LRRC37A2: variants seen among roughly 807,000 people sequenced by gnomAD.
LRRC37A2 encodes leucine rich repeat containing 37 member A2, also known as leucine-rich repeat-containing protein 37A2.
Under a neutral mutation model 68.8 loss-of-function variants are expected in LRRC37A2, and 9 were observed. That is an observed-to-expected ratio of 0.13 (90% CI 0.08 to 0.23). The LOEUF is 0.23. Among genes scored for constraint, LRRC37A2 ranks in the 10% least tolerant of loss-of-function variants. The probability of loss-of-function intolerance (pLI) is 1.00; values close to 1 mark genes in which losing one functional copy is unlikely to be tolerated. For missense variants in LRRC37A2, 168 were observed against 950.4 expected (o/e 0.18, Z 10.82); for synonymous variants, 63 against 367.6 (o/e 0.17, Z 9.48).
the LRRC37A2 span, among the ~76,000 whole-genome samples, chr17:46,900,202 T>TATATATATATATATACAC: frequency 9.9e-6 from 1 of 101,170 alleles, no homozygotes; most frequent in East Asian, 2.8e-4. Context: ...TATATATATA[T>TATATATATATATATACAC]ACACACACAC....
chr17:46,799,629 G>C, the LRRC37A2 span, among the ~76,000 whole-genome samples: 1 of 151,824 alleles, frequency 6.6e-6, no homozygotes, highest in Admixed American at 6.6e-5. Context: ...TGTATTTTTA[G>C]TAGAGACAGA....
At chr17:47,037,959 T>A in the LRRC37A2 span, among the ~76,000 whole-genome samples, 5 of 152,122 alleles carry the variant, frequency 3.3e-5, no homozygotes, top group East Asian at 1.9e-4. Context: ...ATCCTTTATG[T>A]CTCTAAGAAC....
the LRRC37A2 span, chr17:46,874,940 C>T: frequency 9.0e-7 from 1 of 1,111,110 alleles, no homozygotes; most frequent in Non-Finnish European, 1.4e-6. Flanking sequence ...CAGGGAGACC[C>T]ACCCGGAGCT....
At chr17:46,985,960 A>G in the LRRC37A2 span, among the ~76,000 whole-genome samples, 1 of 152,190 alleles carries the variant, frequency 6.6e-6, no homozygotes, top group Non-Finnish European at 1.5e-5. Flanking sequence ...TGGTACCCTA[A>G]TCTGTAAAAT....
At chr17:46,558,892 G>T (rs2057453457), downstream of LRRC37A2, 1 of 94,300 alleles carries the variant, frequency 1.1e-5, no homozygotes, top group East Asian at 3.6e-4. Context: ...TGCCCAGGCT[G>T]GTTTTGAACT....
At chr17:46,978,344 C>A in the LRRC37A2 span, 1 of 409,106 alleles carries the variant, frequency 2.4e-6, no homozygotes, top group Non-Finnish European at 4.3e-6. Context: ...CAAATTGCAT[C>A]TCCATACCCA....
chr17:46,862,179 A>G, the LRRC37A2 span, among the ~76,000 whole-genome samples: 2,708 of 150,308 alleles, frequency 0.018, 82 homozygotes, highest in African/African-American at 0.063. Context: ...AAAAAAAAAA[A>G]GAAAAAGAAA....
the LRRC37A2 span, among the ~76,000 whole-genome samples, chr17:46,779,192 C>T: frequency 1.3e-5 from 2 of 151,990 alleles, no homozygotes; most frequent in African/African-American, 2.4e-5. Context: ...TTCCAAAGGA[C>T]GAGCCTGATG....
the LRRC37A2 span, among the ~76,000 whole-genome samples, chr17:46,502,297 G>A: frequency 6.6e-6 from 1 of 151,066 alleles, no homozygotes; most frequent in East Asian, 1.9e-4. Flanking sequence ...CTGTTATCTA[G>A]TTTAAGGGTC....
chr17:46,719,445 T>G, the LRRC37A2 span, among the ~76,000 whole-genome samples: 1 of 152,310 alleles, frequency 6.6e-6, no homozygotes, highest in East Asian at 1.9e-4. The surrounding 1 kb of genome is among the most constrained non-coding windows in gnomAD (Gnocchi z 4.3). Context: ...AAGTAGTTTA[T>G]TCTCAATTAA....
chr17:47,033,568 C>T, the LRRC37A2 span, among the ~76,000 whole-genome samples: 44 of 152,282 alleles, frequency 2.9e-4, no homozygotes, highest in Non-Finnish European at 5.7e-4. Flanking sequence ...TTTATTTTCA[C>T]GGCCTGCTTT....
At chr17:46,938,064 A>T in the LRRC37A2 span, 2 of 187,996 alleles carry the variant, frequency 1.1e-5, no homozygotes, top group Admixed American at 1.1e-4. Flanking sequence ...GGTCTTCACT[A>T]CGTGCCCAGG....
the LRRC37A2 span, chr17:46,911,458 C>G: frequency 6.6e-6 from 1 of 152,224 alleles, no homozygotes; most frequent in African/African-American, 2.4e-5. Flanking sequence ...TGTATCTGAT[C>G]CAACTGGTGC....
chr17:46,954,335 C>A, the LRRC37A2 span, among the ~76,000 whole-genome samples: 2 of 152,164 alleles, frequency 1.3e-5, no homozygotes, highest in Non-Finnish European at 2.9e-5. Flanking sequence ...TGTCAAAGAT[C>A]AGATAGTAGT....
chr17:46,756,544 T>C, the LRRC37A2 span: 3 of 152,082 alleles, frequency 2.0e-5, no homozygotes, highest in African/African-American at 7.2e-5. Context: ...TTAGAAGATG[T>C]TGTTAAAAAC....
At chr17:46,900,550 C>T in the LRRC37A2 span, among the ~76,000 whole-genome samples, 1 of 152,112 alleles carries the variant, frequency 6.6e-6, no homozygotes, top group African/African-American at 2.4e-5. Flanking sequence ...GTGCCTGGCC[C>T]TTTCTATTTC....
At chr17:46,694,963 A>G in the LRRC37A2 span, among the ~76,000 whole-genome samples, 1 of 118,260 alleles carries the variant, frequency 8.5e-6, no homozygotes, top group Non-Finnish European at 1.7e-5. Flanking sequence ...AAGTTGTAAT[A>G]TGGCCAGGCA....
chr17:46,907,477 C>T, the LRRC37A2 span, among the ~76,000 whole-genome samples: 1 of 151,758 alleles, frequency 6.6e-6, no homozygotes, highest in Non-Finnish European at 1.5e-5. Context: ...TGAGCATCTC[C>T]TCTTTCTCTC....
the LRRC37A2 span, among the ~76,000 whole-genome samples, chr17:46,867,715 G>A: frequency 7.1e-6 from 1 of 141,486 alleles, no homozygotes; most frequent in Non-Finnish European, 1.5e-5. Context: ...GTGTTGGAGA[G>A]TGTGAAAGGA....
Sources: allele counts gnomAD v4.1 joint callset (sites outside exome capture counted in the v4.1 genomes callset), GRCh38; gene constraint gnomAD v4.1.1; non-coding constraint Gnocchi (gnomAD v3.1); transcripts MANE v1.5; gene names NCBI Gene and HGNC (gene_info 2026-07-23, HGNC 2026-07-21).